C1orf54: variants seen among roughly 807,000 people sequenced by gnomAD.
C1orf54 encodes the protein chromosome 1 open reading frame 54.
In C1orf54, 12 loss-of-function variants were observed where a neutral mutation model predicts 14.7. The ratio of observed to expected loss-of-function variants is 0.82; its 90% CI spans 0.52 to 1.32. The LOEUF (loss-of-function observed/expected upper bound fraction) is 1.32. Among genes scored for constraint, C1orf54 ranks in the 40% most tolerant of loss-of-function variants. The probability of loss-of-function intolerance (pLI) is 0.00; values close to 1 mark genes in which losing one functional copy is unlikely to be tolerated. For missense variants in C1orf54, 163 were observed against 162.2 expected (o/e 1.00, Z -0.03); for synonymous variants, 65 against 56.3 (o/e 1.16, Z -0.70).
At chr1:150,272,920 G>C (rs1387430952) in intron 1 of C1orf54, 57 bp downstream of exon 1, 1 of 1,584,164 alleles carries the variant, frequency 6.3e-7, no homozygotes, top group African/African-American at 1.4e-5. Context: ...TAAATGGGGT[G>C]GGAGAAAAAA....
In C1orf54 at chr1:150,272,807, C is replaced by A. The variant is rs1553851526; in HGVS notation, c.-11C>A. ...CTTTTTTACTTTCACAGCAATAGTG[C>A]AGAATCCAGAATGGATGTCCTCTTT... On this transcript the variant is annotated 5_prime_UTR_variant, in exon 1 of 6. Transcript: ENST00000369099. The A allele has an allele frequency of 6.2e-7, 1 of 1,614,038 alleles. No homozygotes were observed. The highest frequency in any genetic ancestry group is 1.1e-5 in the South Asian group (1 of 91,088).
At chr1:150,273,303 AACTGGCTGTCTTCAGGG>A (rs1652364916) in intron 1 of C1orf54, among the ~76,000 whole-genome samples, 1 of 152,202 alleles carries the variant, frequency 6.6e-6, no homozygotes, top group South Asian at 2.1e-4. Context: ...GGTAGTGGAA[AACTGGCTGTCTTCAGGG>A]ACAGGGTCCC....
At chr1:150,275,621 T>C in intron 2 of C1orf54, 120 bp from the exon 3 acceptor site, 1 of 707,646 alleles carries the variant, frequency 1.4e-6, no homozygotes, top group South Asian at 2.2e-5. Flanking sequence ...TAAAATTGGA[T>C]TATACCAATA....
intron 1 of C1orf54, among the ~76,000 whole-genome samples, chr1:150,273,579 A>G (rs1553851728): frequency 3.3e-5 from 5 of 152,226 alleles, no homozygotes. Context: ...ACTCATTTTA[A>G]GAAAGCGGAT....
rs587725492 is a variant in C1orf54 at position 150,279,576 on chromosome 1, G to A, written c.301-67G>A. On this transcript the variant is annotated intron_variant, in intron 4 of 5. Coordinates refer to ENST00000369099, the MANE Select transcript of C1orf54 (RefSeq NM_024579.4). ...GTAAAGAGGTGGCAGTCTTTCTGGA[G>A]GGGGACAGAGAAGTGGTAGGAGGAA... 1.6e-5 allele frequency: 23 copies of A among 1,421,560 alleles called. No individual in the cohort carries two copies. The South Asian group carries it at 2.7e-4, about 17-fold the overall frequency. The allele number at this position is 1,421,560 out of a possible 1,614,324, so 88.1% of individuals were successfully genotyped here.
chr1:150,268,884 T>A (rs200412198), upstream of C1orf54: 2 of 1,381,848 alleles, frequency 1.4e-6, no homozygotes, highest in Non-Finnish European at 2.0e-6. Context: ...AGCTGGGGAG[T>A]CCGCGTGGGG....
chr1:150,268,881 G>T, upstream of C1orf54: 1 of 1,406,170 alleles, frequency 7.1e-7, no homozygotes, highest in South Asian at 1.2e-5. Flanking sequence ...GCCAGCTGGG[G>T]AGTCCGCGTG....
intron 1 of C1orf54, among the ~76,000 whole-genome samples, chr1:150,273,100 C>G (rs587774053): frequency 3.9e-5 from 6 of 152,206 alleles, no homozygotes; most frequent in African/African-American, 7.2e-5. Flanking sequence ...CACAAGGAGG[C>G]CCTAGCAACA....
rs892689820 is a variant in C1orf54 at position 150,276,611 on chromosome 1, G to A, written c.279G>A (p.Val93=). ...ARADHPKPVT[V]KPVTTEPSPD... ...CAGACCATCCGAAGCCTGTAACTGT[G>A]AAACCAGTAACAACGGAACCTGTGA... The change falls in exon 4 of 6, where the codon GTG becomes GTA. Residue 93 remains valine, a synonymous_variant. Transcript: ENST00000369099. The A allele has an allele frequency of 8.1e-5, 130 of 1,613,676 alleles. No individual in the cohort carries two copies. Among genetic ancestry groups the A allele is most frequent in the Non-Finnish European group, 1.0e-4 (121 of 1,179,746 alleles).
At position 150,276,565 on chromosome 1, in the gene C1orf54, T is replaced by G; in HGVS notation, c.233T>G (p.Ile78Ser). ...ATAACAGAAGCAATAGAGACTACCA[T>G]TAGTCTTGAAACAGCACGTGCAGAC... is the stretch of plus-strand genomic sequence containing the variant. ...KDITEAIETT[I>S]SLETARADHP... Residue 78 changes from isoleucine to serine, a missense_variant, in exon 4 of 6, where the codon ATT becomes AGT. Coordinates refer to ENST00000369099, the MANE Select transcript of C1orf54 (RefSeq NM_024579.4). 1 of 1,614,070 alleles carries G rather than the reference T, an allele frequency of 6.2e-7. No homozygotes were observed. The highest frequency in any genetic ancestry group is 8.5e-7 in the Non-Finnish European group (1 of 1,179,960).
At chr1:150,279,835 G>A in intron 5 of C1orf54, 94 bp downstream of exon 5, 2 of 1,077,696 alleles carry the variant, frequency 1.9e-6, no homozygotes, top group South Asian at 1.5e-5. Flanking sequence ...AGTATCTCTA[G>A]TTAGTGTTTC....
upstream of C1orf54, among the ~76,000 whole-genome samples, chr1:150,271,967 C>G (rs1652233010): frequency 1.3e-5 from 2 of 152,098 alleles, no homozygotes; most frequent in South Asian, 4.1e-4. Context: ...TGGTGAAACC[C>G]CGTCTCTACT....
rs201080106 is a variant in C1orf54 at position 150,279,702 on chromosome 1, G to A, written c.360G>A (p.Ser120=). 6.3e-5 allele frequency: 101 copies of A among 1,613,000 alleles called. No homozygotes were observed. The highest frequency in any genetic ancestry group is 1.3e-4 in the Admixed American group (8 of 59,840). ...GAAGTCCTATTCCCCTCCTCCTGTC[G>A]TGTGCCTTTGTTCAGGTGGGGATGT... ...SLRSPIPLLL[S]CAFVQVGMYF... The change falls in exon 5 of 6, where the codon TCG becomes TCA. Residue 120 remains serine, a synonymous_variant. Coordinates refer to ENST00000369099, the MANE Select transcript of C1orf54 (RefSeq NM_024579.4).
chr1:150,272,741 A>G, upstream of C1orf54: 1 of 1,462,628 alleles, frequency 6.8e-7, no homozygotes, highest in Non-Finnish European at 9.6e-7. Context: ...TTGGAGGAGG[A>G]GGGGAGGCGG....
At chr1:150,277,502 T>A (rs1445616374) in intron 4 of C1orf54, among the ~76,000 whole-genome samples, 1 of 41,332 alleles carries the variant, frequency 2.4e-5, no homozygotes, top group Non-Finnish European at 4.6e-5. Context: ...GACTCTATAC[T>A]AAAAAAAAAA....
intron 2 of C1orf54, among the ~76,000 whole-genome samples, chr1:150,274,551 G>A (rs1652476884): frequency 6.7e-6 from 1 of 148,644 alleles, no homozygotes; most frequent in Non-Finnish European, 1.5e-5. Context: ...AGTGAGCTGA[G>A]ATCGTGCCAC....
At chr1:150,280,376 A>G (rs1652990570) in intron 5 of C1orf54, among the ~76,000 whole-genome samples, 4 of 152,246 alleles carry the variant, frequency 2.6e-5, no homozygotes, top group African/African-American at 9.6e-5. Flanking sequence ...CCTAGAGCAG[A>G]TAGATGATGG....
intron 5 of C1orf54, among the ~76,000 whole-genome samples, chr1:150,280,549 G>T (rs1366229509): frequency 6.6e-6 from 1 of 152,210 alleles, no homozygotes; most frequent in Non-Finnish European, 1.5e-5. Context: ...ACGGATGGCG[G>T]TTCTCTGATG....
chr1:150,271,060 G>T (rs1349955766), upstream of C1orf54, among the ~76,000 whole-genome samples: 3 of 150,944 alleles, frequency 2.0e-5, no homozygotes, highest in African/African-American at 7.3e-5. Flanking sequence ...ACTCCAGTAT[G>T]TCCTGCTTCT....
Sources: gnomAD v4.1 joint callset for allele counts (sites outside exome capture counted in the v4.1 genomes callset) on GRCh38, gnomAD v4.1.1 for gene constraint, MANE v1.5 for transcripts, NCBI Gene and HGNC (gene_info 2026-07-23, HGNC 2026-07-21) for gene names.